Variants in CPNE5 observed in about 807,000 individuals in gnomAD.
CPNE5 encodes the protein copine-5.
A neutral mutation model predicts 81.1 loss-of-function variants in CPNE5; 42 were observed. That is an observed-to-expected ratio of 0.52 (90% CI 0.40 to 0.67). The LOEUF is 0.67. CPNE5 is among the 30% of genes least tolerant of loss of function. The pLI, the probability that CPNE5 is intolerant of heterozygous loss-of-function variation, is 0.00. For missense variants in CPNE5, 612 were observed against 815.5 expected (o/e 0.75, Z 3.04); for synonymous variants, 313 against 321.5 (o/e 0.97, Z 0.28).
Position 36,742,044 on chromosome 6 carries a change from T to C in CPNE5, c.*224A>G, listed in dbSNP as rs779304616. 45 of 539,286 alleles carry C rather than the reference T, an allele frequency of 8.3e-5. No individual in the cohort carries two copies. Among genetic ancestry groups the C allele is most frequent in the Non-Finnish European group, 1.3e-4 (39 of 303,374 alleles). 33.4% of individuals were successfully genotyped at this position (539,286 alleles called of 1,614,324 possible). ...GGGAAGAAGAGAAGGGCTGGGTCCC[T>C]GTGTACCCCTCTTTCACCCGTACCC... On this transcript the variant is annotated 3_prime_UTR_variant, in exon 21 of 21. Coordinates refer to ENST00000244751, the MANE Select transcript of CPNE5 (RefSeq NM_020939.2).
In CPNE5 at chr6:36,799,362, T is replaced by C. The variant is rs563001104; in HGVS notation, c.287+605A>G. Among the ~76,000 whole-genome samples the C allele has an allele frequency of 2.0e-5, 3 of 152,196 alleles. No homozygotes were observed. In the South Asian group the frequency reaches 6.2e-4, roughly 32 times the overall value. On this transcript the variant is annotated intron_variant, in intron 4 of 20. Transcript: ENST00000244751. ...CCCTAAGATCCCAAACCCCCTTCTT[T>C]CCCACCCTGACCACTCTTCTGTGGG...
intron 12 of CPNE5, 137 bp downstream of exon 12, chr6:36,762,780 T>C: frequency 1.4e-6 from 1 of 701,274 alleles, no homozygotes; most frequent in Non-Finnish European, 2.5e-6. Context: ...TTGGTCTCCT[T>C]AACGGTAGAA....
In CPNE5 at chr6:36,833,375, A is replaced by G. The variant is rs1049654372; in HGVS notation, c.95+5908T>C. Among the ~76,000 whole-genome samples the G allele has an allele frequency of 3.3e-4, 51 of 152,252 alleles. 1 individual carries two copies. The highest frequency in any genetic ancestry group is 1.1e-3 in the African/African-American group (45 of 41,470). On this transcript the variant is annotated intron_variant, in intron 1 of 20. Transcript: ENST00000244751. ...CCAGTCTCGTGGCACACACGTCTGT[A>G]TAATCCCCTCCCCTTGAGAGTGGGC...
At chr6:36,762,338 A>G (rs1766126185) in intron 12 of CPNE5, among the ~76,000 whole-genome samples, 1 of 150,598 alleles carries the variant, frequency 6.6e-6, no homozygotes, top group African/African-American at 2.5e-5. Flanking sequence ...GCACACACGC[A>G]AATACATGCT....
In CPNE5 at chr6:36,768,225, C is replaced by CTTTTTTTTTTT. The variant is rs10586762; in HGVS notation, c.738-2860_738-2850dup. ...GGCTTTGACTACTCTATTCACAGTT[C>CTTTTTTTTTTT]TTTTTTTTTTTTTTTTTTTTTTTTT... On this transcript the variant is annotated intron_variant, in intron 10 of 20. Coordinates refer to ENST00000244751, the MANE Select transcript of CPNE5 (RefSeq NM_020939.2). 2.0e-3 allele frequency among the ~76,000 whole-genome samples: 123 copies of CTTTTTTTTTTT among 60,454 alleles called. 12 individuals carry two copies. The highest frequency in any genetic ancestry group is 6.2e-3 in the African/African-American group (97 of 15,708). The allele number at this position is 60,454 out of a possible 152,430, so 39.7% of individuals were successfully genotyped here.
intron 10 of CPNE5, among the ~76,000 whole-genome samples, chr6:36,770,579 G>A (rs916304): frequency 0.49 from 73,668 of 151,516 alleles, 18,747 homozygotes; most frequent in Non-Finnish European, 0.57. Context: ...TGACCGTGCC[G>A]CCCTCCTCTT....
At chr6:36,753,924 C>T (rs1007237979) in intron 13 of CPNE5, among the ~76,000 whole-genome samples, 5 of 152,216 alleles carry the variant, frequency 3.3e-5, no homozygotes, top group African/African-American at 1.2e-4. Flanking sequence ...GTTTGGGAGC[C>T]CCCTATTCAT....
intron 11 of CPNE5, among the ~76,000 whole-genome samples, chr6:36,764,109 C>T (rs1254916239): frequency 7.1e-6 from 1 of 141,250 alleles, no homozygotes; most frequent in Non-Finnish European, 1.5e-5. Context: ...TGAGCCTACA[C>T]TGTATTGTGT....
chr6:36,747,144 C>T (rs1455395332), intron 15 of CPNE5, among the ~76,000 whole-genome samples: 1 of 152,156 alleles, frequency 6.6e-6, no homozygotes, highest in African/African-American at 2.4e-5. Flanking sequence ...TCCCTGGCCT[C>T]TTCAGGTCTC....
Position 36,774,445 on chromosome 6 carries a change from A to T in CPNE5, c.737+516T>A, listed in dbSNP as rs1044745794. ...GCACTCTACCCCGTTTGTTTATGGC[A>T]ACTAGGCTGGCAGGATGTATCCCTA... On this transcript the variant is annotated intron_variant, in intron 10 of 20. Transcript: ENST00000244751. 3.9e-5 allele frequency among the ~76,000 whole-genome samples: 6 copies of T among 152,316 alleles called. No individual in the cohort carries two copies. The South Asian group carries it at 1.2e-3, about 32-fold the overall frequency.
chr6:36,773,469 T>C (rs111478640), intron 10 of CPNE5, among the ~76,000 whole-genome samples: 2,437 of 152,318 alleles, frequency 0.016, 68 homozygotes, highest in African/African-American at 0.052. Context: ...TACTGGCATG[T>C]AAACACCACT....
chr6:36,808,954 G>A (rs567493521), intron 3 of CPNE5, among the ~76,000 whole-genome samples: 1 of 152,216 alleles, frequency 6.6e-6, no homozygotes, highest in Non-Finnish European at 1.5e-5. Flanking sequence ...ATAAGGAGTT[G>A]ATATAGTCAC....
At chr6:36,784,821 T>G (rs920275033) in intron 8 of CPNE5, among the ~76,000 whole-genome samples, 2 of 151,840 alleles carry the variant, frequency 1.3e-5, no homozygotes, top group Non-Finnish European at 2.9e-5. Flanking sequence ...TGCGCACCTG[T>G]AGTCCCAGCT....
chr6:36,763,948 A>G (rs939507563), intron 11 of CPNE5, among the ~76,000 whole-genome samples: 9 of 152,146 alleles, frequency 5.9e-5, no homozygotes, highest in African/African-American at 2.2e-4. Flanking sequence ...AGACTTGTAC[A>G]TGGCAGAACT....
rs543216469 is a variant in CPNE5, at chr6:36,745,476, C to G, written c.1240G>C (p.Gly414Arg). The change falls in exon 17 of 21, where the codon GGC (glycine) becomes CGC (arginine). Residue 414 changes from glycine (G) to arginine (R), a missense_variant. Coordinates refer to ENST00000244751, the MANE Select transcript of CPNE5 (RefSeq NM_020939.2). ...QENPSCCGID[G>R]ILEAYHRSLR... Reference sequence around the variant, plus strand: ...CTGCGGTGGTAGGCCTCCAGGATGCCGTCGATGCCACAGCATGAGGGGTTC... The same window carrying G: ...CTGCGGTGGTAGGCCTCCAGGATGCGGTCGATGCCACAGCATGAGGGGTTC... 6.2e-7 allele frequency: 1 copy of G among 1,600,178 alleles called. No homozygotes were observed. The highest frequency in any genetic ancestry group is 8.5e-7 in the Non-Finnish European group (1 of 1,173,992).
intron 3 of CPNE5, among the ~76,000 whole-genome samples, chr6:36,818,739 C>T (rs761408628): frequency 7.2e-5 from 11 of 152,188 alleles, no homozygotes; most frequent in Non-Finnish European, 1.0e-4. Flanking sequence ...CACACCAAGG[C>T]CACCTGTCTT....
chr6:36,818,200 A>G (rs1248442429), intron 3 of CPNE5, among the ~76,000 whole-genome samples: 5 of 152,054 alleles, frequency 3.3e-5, no homozygotes, highest in African/African-American at 1.2e-4. Context: ...TTGGGCTCAA[A>G]TTCCATTTAA....
Position 36,746,344 on chromosome 6 carries a change from CACCTCA to C in CPNE5, c.1200+46_1200+51del. On this transcript the variant is annotated intron_variant, in intron 16 of 20. Coordinates refer to ENST00000244751, the MANE Select transcript of CPNE5 (RefSeq NM_020939.2). This position sits in a 1 kb window ranked among gnomAD's most constrained non-coding sequence, Gnocchi z 4.5. ...AAACGTCCCCCCACCCCCAGCTTGT[CACCTCA>C]CCCCCAGCCTGATCAGTCCTCTCTC... The C allele has an allele frequency of 7.6e-7, 1 of 1,322,264 alleles. No individual in the cohort carries two copies. The highest frequency in any genetic ancestry group is 1.0e-6 in the Non-Finnish European group (1 of 986,024). The allele number at this position is 1,322,264 out of a possible 1,614,324, so 81.9% of individuals were successfully genotyped here. A position where few individuals can be genotyped will look rare whatever the true frequency, so the allele number is the denominator to read the frequency against.
upstream of CPNE5, chr6:36,839,578 G>A (rs1006783326): frequency 1.5e-5 from 7 of 482,388 alleles, no homozygotes; most frequent in Non-Finnish European, 2.6e-5. This position sits in a 1 kb window ranked among gnomAD's most constrained non-coding sequence, Gnocchi z 7.3. Context: ...ATCGAGGAGG[G>A]GGCTCGGGTG....
Sources: gnomAD v4.1 joint callset for allele counts (sites outside exome capture counted in the v4.1 genomes callset) on GRCh38, gnomAD v4.1.1 for gene constraint, Gnocchi (gnomAD v3.1) non-coding constraint, MANE v1.5 for transcripts, NCBI Gene and HGNC (gene_info 2026-07-23, HGNC 2026-07-21) for gene names.